WDPCP: variants seen among roughly 807,000 people sequenced by gnomAD.
WDPCP encodes WD repeat-containing and planar cell polarity effector protein fritz homolog.
A neutral mutation model predicts 93.1 loss-of-function variants in WDPCP; 71 were observed. The observed-to-expected ratio is 0.76, with a 90% confidence interval of 0.63 to 0.93. WDPCP has a LOEUF of 0.93. Ranked by LOEUF, WDPCP falls within the 40% of genes least tolerant of loss-of-function variation. The probability of loss-of-function intolerance (pLI) is 0.00; values close to 1 mark genes in which losing one functional copy is unlikely to be tolerated. For synonymous variants in WDPCP, 315 were observed against 315.0 expected (o/e 1.00, Z 0.00); for missense variants, 844 against 887.4 (o/e 0.95, Z 0.62).
intron 13 of WDPCP, 148 bp downstream of exon 13, chr2:63,313,100 G>T: frequency 1.4e-6 from 1 of 725,064 alleles, no homozygotes; most frequent in Non-Finnish European, 2.4e-6. Flanking sequence ...CCAGTTTCAC[G>T]AAAGCAAACC....
intron 1 of WDPCP, among the ~76,000 whole-genome samples, chr2:63,564,005 G>A (rs191937609): frequency 1.3e-5 from 2 of 152,150 alleles, no homozygotes; most frequent in Non-Finnish European, 2.9e-5. Context: ...GAGTTTTAGG[G>A]TATATGAATT....
intron 2 of WDPCP, among the ~76,000 whole-genome samples, chr2:63,789,744 A>G (rs968015501): frequency 3.3e-5 from 5 of 152,204 alleles, no homozygotes; most frequent in African/African-American, 1.2e-4. Context: ...GAGTATGCAA[A>G]TTAGTTTTCA....
intron 12 of WDPCP, among the ~76,000 whole-genome samples, chr2:63,319,633 C>A (rs540849967): frequency 1.3e-5 from 2 of 152,034 alleles, no homozygotes; most frequent in African/African-American, 4.8e-5. Context: ...GGCCCACTAC[C>A]GCGCCTGGCT....
intron 17 of WDPCP, among the ~76,000 whole-genome samples, chr2:63,125,244 GT>G (rs574675320): frequency 2.0e-5 from 3 of 152,310 alleles, no homozygotes; most frequent in African/African-American, 7.2e-5. Flanking sequence ...CGAGAGACAA[GT>G]TTTATAGATA....
chr2:63,128,816 G>A (rs1341340819), intron 17 of WDPCP, among the ~76,000 whole-genome samples: 4 of 152,138 alleles, frequency 2.6e-5, no homozygotes, highest in Non-Finnish European at 5.9e-5. Context: ...TTACAGGCAT[G>A]TGCCACCATG....
chr2:63,790,568 C>T (rs972240838), intron 2 of WDPCP, among the ~76,000 whole-genome samples: 6 of 152,062 alleles, frequency 3.9e-5, no homozygotes, highest in African/African-American at 1.4e-4. Flanking sequence ...GCTACAGCCC[C>T]TTAAACCTCT....
intron 2 of WDPCP, among the ~76,000 whole-genome samples, chr2:63,703,485 T>G (rs1669095806): frequency 6.6e-6 from 1 of 152,248 alleles, no homozygotes; most frequent in African/African-American, 2.4e-5. Flanking sequence ...ATCATGAGCA[T>G]TTTTTCATGT....
intron 13 of WDPCP, among the ~76,000 whole-genome samples, chr2:63,260,749 C>G (rs904193063): frequency 2.0e-5 from 3 of 152,114 alleles, no homozygotes; most frequent in Non-Finnish European, 2.9e-5. Context: ...GGGGTTTCAC[C>G]ATGATGATCA....
Position 63,484,965 on chromosome 2 carries a change from G to T in WDPCP, c.276C>A (p.Leu92=). The T allele has an allele frequency of 6.2e-7, 1 of 1,612,566 alleles. No individual in the cohort carries two copies. The highest frequency in any genetic ancestry group is 8.5e-7 in the Non-Finnish European group (1 of 1,179,016). The change falls in exon 5 of 18, where the codon CTC becomes CTA. Residue 92 remains leucine (L), a synonymous_variant. Coordinates refer to ENST00000272321, the MANE Select transcript of WDPCP (RefSeq NM_015910.7). The part of the protein sequence containing the change: ...LAESRDYPWT[L]KNRRPEKLRD... ...GGAGTTTTTCTGGGCGTCTGTTTTT[G>T]AGCGTCCAAGGATAATCTCGTGCTG...
intron 3 of WDPCP, among the ~76,000 whole-genome samples, chr2:63,608,488 A>C (rs1002457763): frequency 2.0e-5 from 3 of 152,176 alleles, no homozygotes. Context: ...TGTATTAATA[A>C]ATATCTCCAG....
intron 1 of WDPCP, among the ~76,000 whole-genome samples, chr2:63,529,409 G>T (rs1348304860): frequency 6.6e-6 from 1 of 152,172 alleles, no homozygotes; most frequent in Non-Finnish European, 1.5e-5. Flanking sequence ...AGTTTATTCA[G>T]AGTTTTTAGC....
intron 6 of WDPCP, among the ~76,000 whole-genome samples, chr2:63,468,282 T>C (rs1051495838): frequency 6.6e-6 from 1 of 152,104 alleles, no homozygotes; most frequent in Non-Finnish European, 1.5e-5. Context: ...CACAAATCTC[T>C]CACATGGCTA....
chr2:63,607,147 T>G (rs966395340), intron 3 of WDPCP: 24 of 562,290 alleles, frequency 4.3e-5, no homozygotes, highest in Non-Finnish European at 7.0e-5. Flanking sequence ...AATGACAGTT[T>G]ATCGTCATGC....
intron 2 of WDPCP, among the ~76,000 whole-genome samples, chr2:63,800,978 C>T (rs1034796041): frequency 5.3e-5 from 8 of 152,268 alleles, no homozygotes; most frequent in Non-Finnish European, 8.8e-5. Flanking sequence ...CACTTGAGTC[C>T]GGCAGGTCAA....
intron 2 of WDPCP, among the ~76,000 whole-genome samples, chr2:63,726,053 C>T (rs1669493233): frequency 6.6e-6 from 1 of 152,034 alleles, no homozygotes; most frequent in African/African-American, 2.4e-5. Context: ...TAATTAAGTC[C>T]CACTTGTCAA....
chr2:63,710,575 C>G (rs1403089950), intron 2 of WDPCP, among the ~76,000 whole-genome samples: 1 of 152,114 alleles, frequency 6.6e-6, no homozygotes, highest in Non-Finnish European at 1.5e-5. Context: ...ATTAATGGAC[C>G]AAGAGATCTC....
intron 3 of WDPCP, chr2:63,597,679 G>A: frequency 1.9e-6 from 2 of 1,033,448 alleles, no homozygotes; most frequent in Non-Finnish European, 1.3e-6. Flanking sequence ...TTCTAGTTCT[G>A]TACAATCATC....
intron 1 of WDPCP, among the ~76,000 whole-genome samples, chr2:63,559,164 A>G (rs1346679266): frequency 2.0e-5 from 3 of 152,210 alleles, no homozygotes; most frequent in African/African-American, 4.8e-5. Flanking sequence ...AAACAGAACT[A>G]AAGAAAAAAA....
chr2:63,637,541 A>T (rs577546728), intron 3 of WDPCP, among the ~76,000 whole-genome samples: 1 of 152,220 alleles, frequency 6.6e-6, no homozygotes, highest in East Asian at 1.9e-4. Context: ...TGTATAAGGA[A>T]CTCATACAGC....
Sources: allele counts gnomAD v4.1 joint callset (sites outside exome capture counted in the v4.1 genomes callset), GRCh38; gene constraint gnomAD v4.1.1; transcripts MANE v1.5; gene names NCBI Gene and HGNC (gene_info 2026-07-23, HGNC 2026-07-21).